The following HIVEP2 variants were observed in gnomAD, a reference collection of about 807,000 sequenced individuals.
The protein encoded by HIVEP2 is transcription factor HIVEP2.
Under a neutral mutation model 180.7 loss-of-function variants are expected in HIVEP2, and 14 were observed. The observed-to-expected ratio is 0.08, with a 90% confidence interval of 0.05 to 0.12. The LOEUF is 0.12. HIVEP2 is among the 10% of genes least tolerant of loss of function. The pLI is 1.00. For missense variants in HIVEP2, 2,579 were observed against 3,008.5 expected, an observed-to-expected ratio of 0.86 and a Z score of 3.34; for synonymous variants, 1,184 against 1,136.4, an observed-to-expected ratio of 1.04 and a Z score of -0.84.
chr6:142,817,856 A>C (rs1464038911), intron 2 of HIVEP2, among the ~76,000 whole-genome samples: 1 of 152,012 alleles, frequency 6.6e-6, no homozygotes, highest in Non-Finnish European at 1.5e-5. Flanking sequence ...AAATACAAAA[A>C]TTAGCTGGGC....
chr6:142,798,677 G>A (rs1018455167), intron 2 of HIVEP2, among the ~76,000 whole-genome samples: 2 of 152,158 alleles, frequency 1.3e-5, no homozygotes, highest in Non-Finnish European at 2.9e-5. Flanking sequence ...ACCTCATGCA[G>A]ATGGGGTTGA....
At chr6:142,802,149 A>G (rs1776429965) in intron 2 of HIVEP2, among the ~76,000 whole-genome samples, 1 of 152,178 alleles carries the variant, frequency 6.6e-6, no homozygotes, top group Admixed American at 6.5e-5. Flanking sequence ...CCATACTGGG[A>G]GGAATTAAAA....
chr6:142,763,230 G>C (rs1447263058), intron 7 of HIVEP2, among the ~76,000 whole-genome samples: 1 of 152,178 alleles, frequency 6.6e-6, no homozygotes, highest in Non-Finnish European at 1.5e-5. Context: ...AGCTGCAGAA[G>C]TAATGTATAA....
intron 2 of HIVEP2, among the ~76,000 whole-genome samples, chr6:142,831,541 A>T (rs1286208338): frequency 1.3e-5 from 2 of 152,152 alleles, no homozygotes; most frequent in Non-Finnish European, 2.9e-5. Context: ...AGTCAATGTC[A>T]GCTGTGCTTT....
chr6:142,873,710 T>C (rs1387039194), intron 1 of HIVEP2, among the ~76,000 whole-genome samples: 3 of 152,086 alleles, frequency 2.0e-5, no homozygotes, highest in East Asian at 1.9e-4. Flanking sequence ...ACAAGCCTTC[T>C]CCCCATTACC....
chr6:142,777,105 G>A (rs930800440), intron 3 of HIVEP2, among the ~76,000 whole-genome samples: 1 of 152,062 alleles, frequency 6.6e-6, no homozygotes, highest in African/African-American at 2.4e-5. Flanking sequence ...TCCTTGATAG[G>A]CAATGTGTCC....
chr6:142,778,830 C>A (rs1775769552), intron 3 of HIVEP2, among the ~76,000 whole-genome samples: 1 of 152,120 alleles, frequency 6.6e-6, no homozygotes, highest in African/African-American at 2.4e-5. Context: ...TAAAATAATA[C>A]ATCTTCAATA....
chr6:142,850,491 A>G (rs529256981), intron 1 of HIVEP2, among the ~76,000 whole-genome samples: 30 of 152,342 alleles, frequency 2.0e-4, no homozygotes, highest in African/African-American at 6.7e-4. Context: ...AACTTTGACC[A>G]TATAATTTTC....
At chr6:142,858,359 C>T (rs1321391224) in intron 1 of HIVEP2, among the ~76,000 whole-genome samples, 1 of 151,924 alleles carries the variant, frequency 6.6e-6, no homozygotes, top group African/African-American at 2.4e-5. Flanking sequence ...AATTAACACA[C>T]AGGCATGAGT....
chr6:142,791,800 T>C (rs1477379360), intron 2 of HIVEP2, among the ~76,000 whole-genome samples: 1 of 152,142 alleles, frequency 6.6e-6, no homozygotes, highest in African/African-American at 2.4e-5. Flanking sequence ...AGTGTGCATG[T>C]GTAGGATCAA....
At chr6:142,917,260 A>C (rs759368482) in intron 1 of HIVEP2, among the ~76,000 whole-genome samples, 2 of 152,208 alleles carry the variant, frequency 1.3e-5, no homozygotes, top group Non-Finnish European at 2.9e-5. Context: ...TCATCAACCT[A>C]CTTGATATGA....
rs1269355332 is a variant in HIVEP2, at chr6:142,911,137, A to AT, written c.-641+33961dup. Among the ~76,000 whole-genome samples, 3 of 94,992 alleles carry AT rather than the reference A, an allele frequency of 3.2e-5. 1 individual carries two copies. The East Asian group carries it at 1.6e-3, about 50-fold the overall frequency. 62.3% of individuals were successfully genotyped at this position (94,992 alleles called of 152,430 possible). A position where few individuals can be genotyped will look rare whatever the true frequency, so the allele number is the denominator to read the frequency against. ...AATATGGAAGACAAAGCACAAACAC[A>AT]TTAAAAAAAAAAAAAAAAAAAAACT... On this transcript the variant is annotated intron_variant, in intron 1 of 9. Transcript: ENST00000367603.
chr6:142,821,350 T>C (rs1396371204), intron 2 of HIVEP2, among the ~76,000 whole-genome samples: 1 of 151,918 alleles, frequency 6.6e-6, no homozygotes, highest in East Asian at 1.9e-4. Context: ...GAAAGACAGA[T>C]TGGACAACTA....
At chr6:142,893,097 C>T (rs1776900727) in intron 1 of HIVEP2, among the ~76,000 whole-genome samples, 1 of 152,150 alleles carries the variant, frequency 6.6e-6, no homozygotes, top group South Asian at 2.1e-4. Flanking sequence ...ATCCCACATC[C>T]CTATATTGGC....
At chr6:142,775,346 T>C (rs181998740) in intron 4 of HIVEP2, among the ~76,000 whole-genome samples, 4 of 152,316 alleles carry the variant, frequency 2.6e-5, no homozygotes, top group Admixed American at 2.6e-4. Context: ...TGTTTGAATT[T>C]TGGTCACTCT....
At chr6:142,893,026 C>T (rs772657947) in intron 1 of HIVEP2, among the ~76,000 whole-genome samples, 2 of 152,284 alleles carry the variant, frequency 1.3e-5, no homozygotes, top group Non-Finnish European at 2.9e-5. Context: ...GTGAAGATTC[C>T]GAAAGCAAAT....
At chr6:142,819,447 T>G (rs905792977) in intron 2 of HIVEP2, among the ~76,000 whole-genome samples, 7 of 152,176 alleles carry the variant, frequency 4.6e-5, no homozygotes, top group African/African-American at 9.6e-5. Flanking sequence ...CTAAGCTTTT[T>G]AATGTTTTCC....
chr6:142,861,312 A>G (rs574441236), intron 1 of HIVEP2, among the ~76,000 whole-genome samples: 5 of 152,248 alleles, frequency 3.3e-5, no homozygotes, highest in African/African-American at 7.2e-5. Context: ...ATTCATACAT[A>G]AAATGAAATT....
intron 1 of HIVEP2, among the ~76,000 whole-genome samples, chr6:142,839,161 C>T (rs1004457560): frequency 3.9e-5 from 6 of 152,188 alleles, no homozygotes; most frequent in South Asian, 2.1e-4. Context: ...GTAAGCCTCG[C>T]GTACAAACCA....
Sources: allele counts gnomAD v4.1 joint callset (sites outside exome capture counted in the v4.1 genomes callset), GRCh38; gene constraint gnomAD v4.1.1; transcripts MANE v1.5; gene names NCBI Gene and HGNC (gene_info 2026-07-23, HGNC 2026-07-21).